MAST2: variants seen among roughly 807,000 people sequenced by gnomAD.
The protein encoded by MAST2 is microtubule associated serine/threonine kinase 2.
Under a neutral mutation model 147.4 loss-of-function variants are expected in MAST2, and 70 were observed. That is an observed-to-expected ratio of 0.47 (90% confidence interval 0.39 to 0.58). MAST2 has a LOEUF of 0.58. Ranked by LOEUF, MAST2 falls within the 20% of genes least tolerant of loss-of-function variation. The pLI, the probability that MAST2 is intolerant of heterozygous loss-of-function variation, is 0.00. For missense variants in MAST2, 2,080 were observed against 2,302.3 expected, an observed-to-expected ratio of 0.90 and a Z score of 1.98; for synonymous variants, 869 against 896.8, an observed-to-expected ratio of 0.97 and a Z score of 0.55.
At chr1:46,034,303 G>T in intron 28 of MAST2, 37 bp downstream of exon 28, 1 of 1,574,850 alleles carries the variant, frequency 6.3e-7, no homozygotes, top group East Asian at 2.3e-5. Flanking sequence ...GACAACCCCT[G>T]GGAAATAGGA....
At chr1:45,928,424 TAATAC>T (rs1654747026) in intron 4 of MAST2, among the ~76,000 whole-genome samples, 1 of 152,210 alleles carries the variant, frequency 6.6e-6, no homozygotes, top group Non-Finnish European at 1.5e-5. Context: ...TGTATTTGGT[TAATAC>T]ATCTCTTAAG....
At chr1:45,871,117 G>A (rs1646373547) in intron 3 of MAST2, among the ~76,000 whole-genome samples, 1 of 145,346 alleles carries the variant, frequency 6.9e-6, no homozygotes, top group Admixed American at 6.9e-5. Flanking sequence ...GTAATGAAAA[G>A]TTTGTCTGTG....
intron 5 of MAST2, among the ~76,000 whole-genome samples, chr1:45,993,837 C>A (rs1644943740): frequency 6.6e-6 from 1 of 152,110 alleles, no homozygotes; most frequent in Admixed American, 6.5e-5. Flanking sequence ...ATACTTCTGA[C>A]AAAATGGATA....
rs550073032 is a variant in MAST2, at chr1:46,011,019, T to C, written c.1188+80T>C. The C allele has an allele frequency of 3.6e-5, 44 of 1,234,344 alleles. No individual in the cohort carries two copies. In the South Asian group the frequency reaches 5.2e-4, roughly 15 times the overall value. 76.5% of individuals were successfully genotyped at this position (1,234,344 alleles called of 1,614,324 possible). A position where few individuals can be genotyped will look rare whatever the true frequency, so the allele number is the denominator to read the frequency against. ...TAATCCCAAGCTAAGATTAGGGCAT[T>C]AGTGGTATTCTCAGTCTTCACAGAC... On this transcript the variant is annotated intron_variant, in intron 10 of 28. Coordinates refer to ENST00000361297, the MANE Select transcript of MAST2 (RefSeq NM_015112.3).
intron 5 of MAST2, among the ~76,000 whole-genome samples, chr1:45,987,721 C>T (rs1220295241): frequency 3.5e-5 from 3 of 85,902 alleles, no homozygotes; most frequent in Admixed American, 1.1e-4. Flanking sequence ...ATTTGCTCCT[C>T]TTTTTTAAAT....
chr1:46,002,916 C>T (rs1261991525), intron 7 of MAST2, 33 bp downstream of exon 7: 6 of 1,580,300 alleles, frequency 3.8e-6, no homozygotes, highest in Non-Finnish European at 4.4e-6. Flanking sequence ...ATACTTCCTT[C>T]ACCCTAAGGA....
At chr1:45,965,041 C>A (rs187929289) in intron 5 of MAST2, among the ~76,000 whole-genome samples, 1 of 152,182 alleles carries the variant, frequency 6.6e-6, no homozygotes, top group Non-Finnish European at 1.5e-5. Flanking sequence ...GAGTGAGTTT[C>A]TTAATCCTGA....
intron 5 of MAST2, among the ~76,000 whole-genome samples, chr1:45,987,376 C>G (rs1275454614): frequency 3.3e-5 from 5 of 151,992 alleles, no homozygotes; most frequent in Non-Finnish European, 5.9e-5. Context: ...TAGGGTGGCA[C>G]AAATATGACT....
chr1:45,808,122 G>A (rs754313329), intron 1 of MAST2, among the ~76,000 whole-genome samples: 1 of 152,126 alleles, frequency 6.6e-6, no homozygotes, highest in African/African-American at 2.4e-5. Flanking sequence ...ATCTCCAGAA[G>A]GTCAGTGGTT....
chr1:45,817,532 CGA>C (rs1425027104), intron 1 of MAST2, among the ~76,000 whole-genome samples: 1 of 152,066 alleles, frequency 6.6e-6, no homozygotes, highest in African/African-American at 2.4e-5. Context: ...ACAGAGAAGT[CGA>C]GTAATTTCAT....
At chr1:45,937,751 C>CAAAAAAAAAAAAAAAAAA (rs34830747) in intron 4 of MAST2, among the ~76,000 whole-genome samples, 8 of 73,216 alleles carry the variant, frequency 1.1e-4, no homozygotes, top group Middle Eastern at 7.9e-3. Context: ...AACTCCATCT[C>CAAAAAAAAAAAAAAAAAA]AAAAAAAAAA....
At chr1:45,948,733 A>AAAAAG (rs1658480838) in intron 4 of MAST2, among the ~76,000 whole-genome samples, 4 of 135,194 alleles carry the variant, frequency 3.0e-5, no homozygotes, top group Non-Finnish European at 4.9e-5. Context: ...AAAAAAAAAA[A>AAAAAG]GTCATATGGA....
intron 18 of MAST2, 77 bp from the exon 19 acceptor site, chr1:46,029,389 C>T (rs1646544680): frequency 1.6e-6 from 2 of 1,246,734 alleles, no homozygotes; most frequent in Non-Finnish European, 2.3e-6. Context: ...TTTCCTTTCA[C>T]TGTTCTGGGA....
rs142957617 is a variant in MAST2, at chr1:45,992,327, G to T, written c.593-5397G>T. Among the ~76,000 whole-genome samples, 75 of 152,260 alleles carry T rather than the reference G, an allele frequency of 4.9e-4. No individual in the cohort carries two copies. The East Asian group carries it at 0.013, about 27-fold the overall frequency. ...CCATATGATTTTTCTTCTTTAGTAT[G>T]TTGATGTGGTAGGTAATTGATTTTC... is the stretch of plus-strand genomic sequence containing the variant. On this transcript the variant is annotated intron_variant, in intron 5 of 28. Coordinates refer to ENST00000361297, the MANE Select transcript of MAST2 (RefSeq NM_015112.3).
At chr1:45,828,038 G>A (rs779043805) in intron 2 of MAST2, among the ~76,000 whole-genome samples, 14 of 151,646 alleles carry the variant, frequency 9.2e-5, no homozygotes, top group Admixed American at 4.6e-4. Context: ...GCTATGTAGC[G>A]GAGGCTGGTC....
At chr1:45,804,742 A>G (rs1644088740) in intron 1 of MAST2, among the ~76,000 whole-genome samples, 1 of 152,236 alleles carries the variant, frequency 6.6e-6, no homozygotes, top group Non-Finnish European at 1.5e-5. Context: ...GAGTTTCTGA[A>G]TGAACAGGAT....
Position 45,896,614 on chromosome 1 carries a change from G to T in MAST2, c.500+14219G>T, listed in dbSNP as rs111898089. ...AAGACCCACAGTCAGAAAGGTTGGGGAACATTAAAGTGAAAGGAGAGCTGG... is the reference window on the plus strand; with the variant it reads ...AAGACCCACAGTCAGAAAGGTTGGGTAACATTAAAGTGAAAGGAGAGCTGG... On this transcript the variant is annotated intron_variant, in intron 4 of 28. Transcript: ENST00000361297. Among the ~76,000 whole-genome samples the T allele has an allele frequency of 2.8e-4, 42 of 152,242 alleles. 1 individual carries two copies. The Middle Eastern group carries it at 0.034, about 123-fold the overall frequency.
intron 5 of MAST2, among the ~76,000 whole-genome samples, chr1:45,962,293 G>A (rs1660537254): frequency 6.6e-6 from 1 of 151,984 alleles, no homozygotes; most frequent in Admixed American, 6.6e-5. Flanking sequence ...CCCAGTAATG[G>A]GATGGCTGGG....
Position 46,034,259 on chromosome 1 carries a change from G to A in MAST2, c.3861G>A (p.Val1287=). ...TQGYRVTPDA[V]HSVGGNSSQS... ...GCTACCGGGTGACCCCCGATGCTGT[G>A]CATTCAGGTACGAAGGGCTCCCTGC... Residue 1287 remains valine (V), a synonymous_variant, in exon 28 of 29, where the codon GTG becomes GTA. Coordinates refer to ENST00000361297, the MANE Select transcript of MAST2 (RefSeq NM_015112.3). 1.9e-6 allele frequency: 3 copies of A among 1,612,462 alleles called. No individual in the cohort carries two copies. Among genetic ancestry groups the A allele is most frequent in the Non-Finnish European group, 2.5e-6 (3 of 1,179,092 alleles).
Sources: allele counts gnomAD v4.1 joint callset (sites outside exome capture counted in the v4.1 genomes callset), GRCh38; gene constraint gnomAD v4.1.1; transcripts MANE v1.5; gene names NCBI Gene and HGNC (gene_info 2026-07-23, HGNC 2026-07-21).